NRXN3: variants seen among roughly 807,000 people sequenced by gnomAD.
NRXN3 encodes neurexin III.
NRXN3 carries 32 observed loss-of-function variants against 137.6 expected under a neutral mutation model. The ratio of observed to expected loss-of-function variants is 0.23; its 90% CI spans 0.18 to 0.31. The LOEUF (loss-of-function observed/expected upper bound fraction) is 0.31, where lower values mean the gene tolerates loss of function less well. Ranked by LOEUF, NRXN3 falls within the 10% of genes least tolerant of loss-of-function variation. The probability of loss-of-function intolerance (pLI) is 1.00; values close to 1 mark genes in which losing one functional copy is unlikely to be tolerated. For missense variants in NRXN3, 1,574 were observed against 2,062.5 expected (o/e 0.76, Z 4.59); for synonymous variants, 798 against 784.5 (o/e 1.02, Z -0.29).
intron 8 of NRXN3, among the ~76,000 whole-genome samples, chr14:78,749,777 G>T (rs1432719001): frequency 6.6e-6 from 1 of 152,052 alleles, no homozygotes; most frequent in Non-Finnish European, 1.5e-5. Context: ...CTCCAACTTT[G>T]TTTCTTTAGG....
At chr14:79,197,098 T>C (rs2065240897) in intron 15 of NRXN3, among the ~76,000 whole-genome samples, 1 of 152,208 alleles carries the variant, frequency 6.6e-6, no homozygotes, top group South Asian at 2.1e-4. Context: ...AATTCTTTTC[T>C]GTTTCTACAG....
intron 8 of NRXN3, among the ~76,000 whole-genome samples, chr14:78,782,260 G>C (rs750560718): frequency 1.3e-5 from 2 of 152,212 alleles, no homozygotes; most frequent in Non-Finnish European, 2.9e-5. Flanking sequence ...GTGGTTTAAA[G>C]AAAGGAGAGC....
At chr14:78,992,362 C>A (rs2099520668) in intron 15 of NRXN3, among the ~76,000 whole-genome samples, 1 of 152,160 alleles carries the variant, frequency 6.6e-6, no homozygotes, top group South Asian at 2.1e-4. Flanking sequence ...ACCTGAAAAT[C>A]AACTTAATGA....
chr14:79,306,006 T>A lies in NRXN3; in HGVS notation c.3263-161215T>A, dbSNP rs552969524. Among the ~76,000 whole-genome samples, 3 of 152,206 alleles carry A rather than the reference T, an allele frequency of 2.0e-5. No homozygotes were observed. In the East Asian group the frequency reaches 5.8e-4, roughly 29 times the overall value. ...GTTTTAACCTGAAAAGACAGTTGCG[T>A]TCCAGTGTGAAATAGCCACCAGGCT... On this transcript the variant is annotated intron_variant, in intron 15 of 20. Coordinates refer to ENST00000335750, the MANE Select transcript of NRXN3 (RefSeq NM_001330195.2).
chr14:79,315,258 A>T (rs1182502779), intron 15 of NRXN3, among the ~76,000 whole-genome samples: 1 of 152,224 alleles, frequency 6.6e-6, no homozygotes, highest in African/African-American at 2.4e-5. Context: ...CTTCATAGCA[A>T]TCTCAAAGAC....
At chr14:79,478,269 G>T (rs1486534257) in intron 16 of NRXN3, among the ~76,000 whole-genome samples, 1 of 151,060 alleles carries the variant, frequency 6.6e-6, no homozygotes, top group Admixed American at 6.6e-5. Context: ...GAACTAAAAA[G>T]GAAAGGCTAG....
intron 4 of NRXN3, among the ~76,000 whole-genome samples, chr14:78,434,827 G>T (rs917013246): frequency 6.6e-6 from 1 of 152,176 alleles, no homozygotes; most frequent in African/African-American, 2.4e-5. Context: ...TGCAGAGACT[G>T]CTCCACTCAA....
chr14:79,394,465 C>T lies in NRXN3; in HGVS notation c.3263-72756C>T, dbSNP rs1007792239. ...CATACAGCTAGGAATGGTAGACTAG[C>T]GTTTTTACTCAGGCAGTCTCAAGAT... On this transcript the variant is annotated intron_variant, in intron 15 of 20. Coordinates refer to ENST00000335750, the MANE Select transcript of NRXN3 (RefSeq NM_001330195.2). Among the ~76,000 whole-genome samples, 5 of 152,274 alleles carry T rather than the reference C, an allele frequency of 3.3e-5. No individual in the cohort carries two copies. In the East Asian group the frequency reaches 5.8e-4, roughly 18 times the overall value.
chr14:78,377,050 T>C (rs1234426361), intron 4 of NRXN3, among the ~76,000 whole-genome samples: 2 of 151,886 alleles, frequency 1.3e-5, no homozygotes, highest in African/African-American at 4.8e-5. Flanking sequence ...ATAAAAGAAA[T>C]AGTAGACTTA....
chr14:78,902,885 A>G (rs1052947866), intron 10 of NRXN3, among the ~76,000 whole-genome samples: 6 of 151,582 alleles, frequency 4.0e-5, no homozygotes, highest in African/African-American at 1.2e-4. Context: ...TTGCTCATGG[A>G]TCTGTGACTG....
chr14:79,214,470 T>C lies in NRXN3; in HGVS notation c.3262+226329T>C, dbSNP rs557288234. Reference sequence around the variant, plus strand: ...GTTTCAAATAGCTAGAAGGAGGATGTTGAATGTTCCCAACACAAAGAAATG... The same window carrying C: ...GTTTCAAATAGCTAGAAGGAGGATGCTGAATGTTCCCAACACAAAGAAATG... On this transcript the variant is annotated intron_variant, in intron 15 of 20. Coordinates refer to ENST00000335750, the MANE Select transcript of NRXN3 (RefSeq NM_001330195.2). Among the ~76,000 whole-genome samples the C allele has an allele frequency of 1.5e-4, 23 of 152,330 alleles. 1 individual carries two copies. In the South Asian group the frequency reaches 4.3e-3, roughly 29 times the overall value.
intron 1 of NRXN3, among the ~76,000 whole-genome samples, chr14:78,205,612 C>T (rs927839292): frequency 3.3e-5 from 5 of 152,168 alleles, no homozygotes; most frequent in Non-Finnish European, 7.3e-5. Context: ...AGGGAACAGT[C>T]TGTGCAGAGG....
At position 78,442,517 on chromosome 14, in the gene NRXN3, C is replaced by T. The variant is rs188777654; in HGVS notation, c.757+144657C>T. Among the ~76,000 whole-genome samples, 197 of 152,312 alleles carry T rather than the reference C, an allele frequency of 1.3e-3. 1 individual carries two copies. The highest frequency in any genetic ancestry group is 3.4e-3 in the Middle Eastern group (1 of 294). On this transcript the variant is annotated intron_variant, in intron 4 of 20. Coordinates refer to ENST00000335750, the MANE Select transcript of NRXN3 (RefSeq NM_001330195.2). ...TCCAGAACTGTAAGACAATAAGTTT[C>T]TGCTGTTCTAAGCCATCCAGTCTGT...
At chr14:78,331,528 A>T (rs2080819335) in intron 4 of NRXN3, among the ~76,000 whole-genome samples, 1 of 152,340 alleles carries the variant, frequency 6.6e-6, no homozygotes, top group Non-Finnish European at 1.5e-5. Flanking sequence ...CAATCTCAGC[A>T]ACATAAAAAG....
chr14:79,634,253 C>G (rs537185337), intron 16 of NRXN3, among the ~76,000 whole-genome samples: 4 of 152,162 alleles, frequency 2.6e-5, no homozygotes, highest in Admixed American at 2.6e-4. Context: ...CCTGTGTTGT[C>G]TAAGGCTATA....
intron 20 of NRXN3, among the ~76,000 whole-genome samples, chr14:79,854,807 A>C (rs2099399144): frequency 6.6e-6 from 1 of 152,216 alleles, no homozygotes; most frequent in Non-Finnish European, 1.5e-5. Flanking sequence ...AGGGGAAATA[A>C]GGTACTCTCA....
chr14:78,705,499 A>C (rs994212805), intron 6 of NRXN3, among the ~76,000 whole-genome samples: 1 of 152,190 alleles, frequency 6.6e-6, no homozygotes, highest in Non-Finnish European at 1.5e-5. Flanking sequence ...CTCTTGGTAG[A>C]TAAACCTTCA....
intron 10 of NRXN3, among the ~76,000 whole-genome samples, chr14:78,889,588 A>C (rs1294096657): frequency 6.6e-6 from 1 of 152,000 alleles, no homozygotes; most frequent in Non-Finnish European, 1.5e-5. Flanking sequence ...TTATATGTAC[A>C]TTTACTTACT....
chr14:78,427,290 T>C (rs1428164424), intron 4 of NRXN3, among the ~76,000 whole-genome samples: 1 of 152,188 alleles, frequency 6.6e-6, no homozygotes, highest in East Asian at 1.9e-4. Context: ...GAGTTAAAAA[T>C]CTGCTGATAA....
Sources: gnomAD v4.1 joint callset for allele counts (sites outside exome capture counted in the v4.1 genomes callset) on GRCh38, gnomAD v4.1.1 for gene constraint, MANE v1.5 for transcripts, NCBI Gene and HGNC (gene_info 2026-07-23, HGNC 2026-07-21) for gene names.